The following EHMT1 variants were observed in gnomAD, a reference collection of about 807,000 sequenced individuals.
The protein encoded by EHMT1 is euchromatic histone lysine methyltransferase 1.
EHMT1 carries 15 observed loss-of-function variants against 147.2 expected under a neutral mutation model. The observed-to-expected ratio is 0.10, with a 90% confidence interval of 0.07 to 0.16. The LOEUF is 0.16. Ranked by LOEUF, EHMT1 falls within the 10% of genes least tolerant of loss-of-function variation. The probability of loss-of-function intolerance (pLI) is 1.00; values close to 1 mark genes in which losing one functional copy is unlikely to be tolerated. For missense variants in EHMT1, 1,587 were observed against 1,772.4 expected, an observed-to-expected ratio of 0.90 and a Z score of 1.88; for synonymous variants, 795 against 709.6, an observed-to-expected ratio of 1.12 and a Z score of -1.91.
chr9:137,802,794 C>A (rs1953610713), intron 18 of EHMT1: 4 of 1,231,322 alleles, frequency 3.2e-6, no homozygotes, highest in Non-Finnish European at 4.0e-6. Flanking sequence ...TGCAGGGCTT[C>A]CATGACTGTA....
Position 137,814,567 on chromosome 9 carries a change from A to G in EHMT1, c.3258+59A>G. 4 of 1,572,390 alleles carry G rather than the reference A, an allele frequency of 2.5e-6. No homozygotes were observed. The South Asian group carries it at 4.4e-5, about 17-fold the overall frequency. On this transcript the variant is annotated intron_variant, in intron 22 of 26. Transcript: ENST00000460843. ...GTAAGTGCCGCTGGTCCGGGTCTGCAAAAACAGTGCAGGCGTCTGTGACCC... is the reference window on the plus strand; with the variant it reads ...GTAAGTGCCGCTGGTCCGGGTCTGCGAAAACAGTGCAGGCGTCTGTGACCC...
chr9:137,635,744 TGGG>T (rs1306263623), intron 1 of EHMT1, among the ~76,000 whole-genome samples: 1 of 150,496 alleles, frequency 6.6e-6, no homozygotes, highest in Non-Finnish European at 1.5e-5. Context: ...GGCATGAACC[TGGG>T]AGGCGGAGCT....
At chr9:137,778,207 A>C in intron 13 of EHMT1, 152 bp downstream of exon 13, 1 of 1,100,906 alleles carries the variant, frequency 9.1e-7, no homozygotes, top group South Asian at 1.3e-5. Context: ...TATTTTGGGA[A>C]ATTATTGTAA....
chr9:137,737,006 C>T (rs573350522), intron 4 of EHMT1, among the ~76,000 whole-genome samples: 20 of 152,086 alleles, frequency 1.3e-4, no homozygotes, highest in South Asian at 8.3e-4. Context: ...AGTTCCAGAG[C>T]GGCCTGGGCA....
At chr9:137,652,312 T>C (rs1481135231) in intron 1 of EHMT1, among the ~76,000 whole-genome samples, 1 of 152,230 alleles carries the variant, frequency 6.6e-6, no homozygotes, top group Non-Finnish European at 1.5e-5. Context: ...CAAGCCAGGC[T>C]GAAGTCATCC....
At chr9:137,707,226 G>C (rs145023192) in intron 1 of EHMT1, among the ~76,000 whole-genome samples, 314 of 152,332 alleles carry the variant, frequency 2.1e-3, no homozygotes, top group South Asian at 6.0e-3. Flanking sequence ...GCGCTGCTTG[G>C]GGGGGCTGGT....
rs1952067490 is a variant in EHMT1 at position 137,787,412 on chromosome 9, C to T, written c.2383-3436C>T. On this transcript the variant is annotated intron_variant, in intron 15 of 26. Coordinates refer to ENST00000460843, the MANE Select transcript of EHMT1 (RefSeq NM_024757.5). This position sits in a 1 kb window ranked among gnomAD's most constrained non-coding sequence, Gnocchi z 4.2. ...AAGAGGGGACTAGGAAGGGCTATTCCAGGCTCAGCCCTGCCTCCCACAGCC... is the reference window on the plus strand; with the variant it reads ...AAGAGGGGACTAGGAAGGGCTATTCTAGGCTCAGCCCTGCCTCCCACAGCC... Among the ~76,000 whole-genome samples the T allele has an allele frequency of 6.6e-6, 1 of 152,158 alleles. No homozygotes were observed. Among genetic ancestry groups the T allele is most frequent in the Non-Finnish European group, 1.5e-5 (1 of 68,016 alleles).
chr9:137,772,531 C>T (rs893880132), intron 10 of EHMT1, among the ~76,000 whole-genome samples: 6 of 152,342 alleles, frequency 3.9e-5, no homozygotes, highest in Admixed American at 3.3e-4. Flanking sequence ...TGTATTTACA[C>T]CAGCTCAGCC....
At chr9:137,807,105 C>G (rs1438101205) in intron 18 of EHMT1, among the ~76,000 whole-genome samples, 1 of 152,182 alleles carries the variant, frequency 6.6e-6, no homozygotes, top group Non-Finnish European at 1.5e-5. Context: ...GGGTTTTTGA[C>G]AAATTTGGAA....
chr9:137,632,739 T>C (rs193170721), intron 1 of EHMT1, among the ~76,000 whole-genome samples: 108 of 152,292 alleles, frequency 7.1e-4, no homozygotes, highest in Non-Finnish European at 2.6e-4. Flanking sequence ...CGTGAGCCAC[T>C]GTGCCCGGCC....
At chr9:137,816,650 G>A (rs947918802) in intron 23 of EHMT1, 17 of 169,576 alleles carry the variant, frequency 1.0e-4, no homozygotes, top group African/African-American at 3.6e-4. Context: ...GCCCGAGATT[G>A]GAGAAGTCAA....
In EHMT1 at chr9:137,621,494, C is replaced by T. The variant is rs190393071; in HGVS notation, c.21+2445C>T. ...GGCGGATCACTTGAGGTCAGGAGTT[C>T]GAGACCAGTCTGGCCAACATGGTTG... is the stretch of plus-strand genomic sequence containing the variant. On this transcript the variant is annotated intron_variant, in intron 1 of 26. Coordinates refer to ENST00000460843, the MANE Select transcript of EHMT1 (RefSeq NM_024757.5). Among the ~76,000 whole-genome samples the T allele has an allele frequency of 7.9e-5, 12 of 152,178 alleles. No individual in the cohort carries two copies. In the East Asian group the frequency reaches 1.9e-3, roughly 24 times the overall value.
At chr9:137,627,632 A>G (rs1843353230) in intron 1 of EHMT1, among the ~76,000 whole-genome samples, 1 of 151,652 alleles carries the variant, frequency 6.6e-6, no homozygotes, top group African/African-American at 2.4e-5. Flanking sequence ...GCCCTTTTGC[A>G]GAGGTTCTGT....
At chr9:137,712,545 GAGC>G (rs1308687810) in intron 2 of EHMT1, among the ~76,000 whole-genome samples, 7 of 152,214 alleles carry the variant, frequency 4.6e-5, no homozygotes, top group African/African-American at 1.7e-4. Context: ...CAGTGATGTT[GAGC>G]ATCATTTCGT....
chr9:137,635,141 T>C (rs906265446), intron 1 of EHMT1, among the ~76,000 whole-genome samples: 1 of 151,966 alleles, frequency 6.6e-6, no homozygotes, highest in Non-Finnish European at 1.5e-5. Flanking sequence ...GCCATCTTAA[T>C]AGCAAGTCTT....
At chr9:137,634,447 C>T (rs12342530) in intron 1 of EHMT1, among the ~76,000 whole-genome samples, 133 of 152,246 alleles carry the variant, frequency 8.7e-4, no homozygotes, top group African/African-American at 3.1e-3. Flanking sequence ...ATCAGTTGAA[C>T]ATAAATGTGA....
intron 1 of EHMT1, among the ~76,000 whole-genome samples, chr9:137,635,706 G>C (rs1241582528): frequency 1.3e-5 from 2 of 150,940 alleles, no homozygotes; most frequent in East Asian, 2.1e-4. Context: ...TGTAGTTCCA[G>C]CTACTCGGGA....
At chr9:137,824,285 G>A (rs35347751) in intron 25 of EHMT1, among the ~76,000 whole-genome samples, 76,348 of 151,942 alleles carry the variant, frequency 0.5, 22,208 homozygotes, top group East Asian at 0.9. Context: ...TTGTGTCCAT[G>A]TGGACAGTTA....
At position 137,752,406 on chromosome 9, in the gene EHMT1, C is replaced by T. The variant is rs2136190832; in HGVS notation, c.1246C>T (p.Leu416=). The T allele has an allele frequency of 2.5e-6, 4 of 1,613,768 alleles. No individual in the cohort carries two copies. The highest frequency in any genetic ancestry group is 2.2e-5 in the East Asian group (1 of 44,884). Residue 416 remains leucine (L), a splice_region_variant and synonymous_variant, in exon 7 of 27, where the codon CTG becomes TTG. Transcript: ENST00000460843. The part of the protein sequence containing the change: ...EEEEGGDESD[L]SSESSIKKKF... ...GGAGGAAGGCGGTGACGAGTCTGAC[C>T]TGGTAATGCCCAGCGCCTCCTCCTG...
Sources: allele counts gnomAD v4.1 joint callset (sites outside exome capture counted in the v4.1 genomes callset), GRCh38; gene constraint gnomAD v4.1.1; non-coding constraint Gnocchi (gnomAD v3.1); transcripts MANE v1.5; gene names NCBI Gene and HGNC (gene_info 2026-07-23, HGNC 2026-07-21).